TIMM23: variants seen among roughly 807,000 people sequenced by gnomAD.
TIMM23 encodes translocase of inner mitochondrial membrane 23.
In TIMM23, 19 loss-of-function variants were observed where a neutral mutation model predicts 30.7. That is an observed-to-expected ratio of 0.62 (90% CI 0.43 to 0.91). TIMM23 has a LOEUF of 0.91. TIMM23 is among the 40% of genes least tolerant of loss of function. TIMM23 has a pLI of 0.00. For synonymous variants in TIMM23, 78 were observed against 98.5 expected (o/e 0.79, Z 1.23); for missense variants, 202 against 269.2 (o/e 0.75, Z 1.75).
chr10:45,996,752 A>C (rs1168923865), intron 6 of TIMM23, among the ~76,000 whole-genome samples: 2 of 152,050 alleles, frequency 1.3e-5, no homozygotes, highest in East Asian at 1.9e-4. Context: ...TTGGGAAGCC[A>C]ATGTGGGCAG....
Position 45,996,968 on chromosome 10 carries a change from CA to C in TIMM23, c.515-6218del, listed in dbSNP as rs1172844294. ...CGACAGAGTGAGACCCTGTGTCAAA[CA>C]AAAAAAAAAAAAAAAAGATAGATTC... On this transcript the variant is annotated intron_variant, in intron 6 of 6. Transcript: ENST00000580018. 7.6e-3 allele frequency among the ~76,000 whole-genome samples: 852 copies of C among 112,516 alleles called. 8 individuals carry two copies. The highest frequency in any genetic ancestry group is 0.024 in the African/African-American group (697 of 28,752). 73.8% of individuals were successfully genotyped at this position (112,516 alleles called of 152,430 possible). A position where few individuals can be genotyped will look rare whatever the true frequency, so the allele number is the denominator to read the frequency against.
chr10:45,988,108 C>T (rs1240459099), intron 5 of TIMM23, among the ~76,000 whole-genome samples: 54 of 152,054 alleles, frequency 3.6e-4, no homozygotes, highest in African/African-American at 1.3e-3. Context: ...GAAAGTCCTC[C>T]GACCCCATCC....
intron 2 of TIMM23, among the ~76,000 whole-genome samples, chr10:45,977,126 A>G (rs1837696538): frequency 1.3e-5 from 2 of 149,630 alleles, no homozygotes; most frequent in African/African-American, 5.0e-5. Context: ...ACATGCTATG[A>G]TCCTGAAAAT....
rs1383003559 is a variant in TIMM23 at position 45,996,967 on chromosome 10, AC to A, written c.515-6235del. 5.1e-3 allele frequency among the ~76,000 whole-genome samples: 749 copies of A among 148,314 alleles called. 11 individuals carry two copies. Among genetic ancestry groups the A allele is most frequent in the African/African-American group, 0.018 (705 of 40,228 alleles). On this transcript the variant is annotated intron_variant, in intron 6 of 6. Coordinates refer to ENST00000580018, the MANE Select transcript of TIMM23 (RefSeq NM_006327.4). ...ACGACAGAGTGAGACCCTGTGTCAA[AC>A]AAAAAAAAAAAAAAAAAGATAGATT...
intron 5 of TIMM23, 48 bp downstream of exon 5, chr10:45,985,489 C>T (rs1196661091): frequency 6.2e-7 from 1 of 1,600,500 alleles, no homozygotes; most frequent in Non-Finnish European, 8.6e-7. Context: ...AAAGAATGCA[C>T]AAATATCATG....
At chr10:45,984,391 A>T (rs1254176158) in intron 4 of TIMM23, among the ~76,000 whole-genome samples, 2 of 152,228 alleles carry the variant, frequency 1.3e-5, no homozygotes, top group Non-Finnish European at 2.9e-5. Context: ...AGTTATTAAA[A>T]TGCTTGTTAA....
At chr10:45,973,443 G>A (rs1248505963) in intron 1 of TIMM23, among the ~76,000 whole-genome samples, 2 of 152,144 alleles carry the variant, frequency 1.3e-5, no homozygotes, top group Admixed American at 6.5e-5. Flanking sequence ...ATAGGCAGTT[G>A]GTCGTGGATA....
At chr10:45,993,020 C>G (rs1564909451) in intron 6 of TIMM23, among the ~76,000 whole-genome samples, 1 of 152,118 alleles carries the variant, frequency 6.6e-6, no homozygotes, top group African/African-American at 2.4e-5. Context: ...ATACCTACCT[C>G]AAATGCTGCA....
chr10:45,973,604 A>G lies in TIMM23; in HGVS notation c.106+874A>G, dbSNP rs1484402221. 4.6e-5 allele frequency among the ~76,000 whole-genome samples: 7 copies of G among 152,336 alleles called. No individual in the cohort carries two copies. In the East Asian group the frequency reaches 5.8e-4, roughly 13 times the overall value. ...CATTTCCCTGGTGTCACCTTTGTCA[A>G]AAAACTGAATCTACAACACATGGTG... On this transcript the variant is annotated intron_variant, in intron 1 of 6. Transcript: ENST00000580018.
At chr10:45,981,806 C>T (rs1470397657) in intron 2 of TIMM23, among the ~76,000 whole-genome samples, 6 of 152,140 alleles carry the variant, frequency 3.9e-5, no homozygotes, top group African/African-American at 1.4e-4. Context: ...TTTTTTTAAT[C>T]CAACATGGTG....
At chr10:45,997,551 C>A (rs902352073) in intron 6 of TIMM23, among the ~76,000 whole-genome samples, 25 of 152,262 alleles carry the variant, frequency 1.6e-4, no homozygotes, top group African/African-American at 5.3e-4. Context: ...GTGGCTCACG[C>A]CTGTAGTCTC....
At chr10:45,977,043 T>A (rs1837693788) in intron 2 of TIMM23, among the ~76,000 whole-genome samples, 1 of 150,944 alleles carries the variant, frequency 6.6e-6, no homozygotes, top group Non-Finnish European at 1.5e-5. Flanking sequence ...AAGCAAATAC[T>A]TAGAAATAAA....
At chr10:45,991,902 C>T (rs1233034807) in intron 6 of TIMM23, among the ~76,000 whole-genome samples, 1 of 151,924 alleles carries the variant, frequency 6.6e-6, no homozygotes, top group Non-Finnish European at 1.5e-5. Flanking sequence ...TGGGCTCCCT[C>T]ACCACTGCCC....
intron 6 of TIMM23, among the ~76,000 whole-genome samples, chr10:46,000,202 A>G (rs1323919746): frequency 6.6e-6 from 1 of 152,252 alleles, no homozygotes; most frequent in Non-Finnish European, 1.5e-5. Context: ...CGGCATAGGA[A>G]ATCACAAGGG....
At chr10:45,997,958 A>T (rs1167948920) in intron 6 of TIMM23, among the ~76,000 whole-genome samples, 3 of 152,296 alleles carry the variant, frequency 2.0e-5, no homozygotes, top group East Asian at 3.9e-4. Flanking sequence ...AAGTTTTTTT[A>T]AAATTTTAAG....
intron 6 of TIMM23, among the ~76,000 whole-genome samples, chr10:46,001,355 C>T (rs1224552298): frequency 6.6e-6 from 1 of 152,028 alleles, no homozygotes; most frequent in African/African-American, 2.4e-5. Context: ...TTTTGGTCCC[C>T]CTACATGACA....
rs1164085030 is a variant in TIMM23 at position 46,003,410 on chromosome 10, C to T, written c.*92C>T. On this transcript the variant is annotated 3_prime_UTR_variant, in exon 7 of 7. Coordinates refer to ENST00000580018, the MANE Select transcript of TIMM23 (RefSeq NM_006327.4). Reference sequence around the variant, plus strand: ...GGAGTTATTCTCTCTCTTCTACCTACAATTAGTTTGAAAAATTGGAGATTT... The same window carrying T: ...GGAGTTATTCTCTCTCTTCTACCTATAATTAGTTTGAAAAATTGGAGATTT... 4 of 905,294 alleles carry T rather than the reference C, an allele frequency of 4.4e-6. No homozygotes were observed. In the African/African-American group the frequency reaches 5.1e-5, roughly 11 times the overall value. The allele number at this position is 905,294 out of a possible 1,614,324, so 56.1% of individuals were successfully genotyped here.
At position 46,002,085 on chromosome 10, in the gene TIMM23, GTCAC is replaced by G. The variant is rs1207724842; in HGVS notation, c.515-1112_515-1109del. On this transcript the variant is annotated intron_variant, in intron 6 of 6. Transcript: ENST00000580018. ...CTTTTCAACTAGCATGATGCTAGGT[GTCAC>G]TCACTGTTTTTTAATTGTGGGAGAT... 3.9e-5 allele frequency among the ~76,000 whole-genome samples: 6 copies of G among 152,160 alleles called. No homozygotes were observed. In the East Asian group the frequency reaches 9.6e-4, roughly 24 times the overall value.
chr10:45,977,684 G>A (rs1837714623), intron 2 of TIMM23, among the ~76,000 whole-genome samples: 1 of 152,206 alleles, frequency 6.6e-6, no homozygotes, highest in Non-Finnish European at 1.5e-5. Context: ...TAAAAAGAAA[G>A]TTGATAAATT....
Sources: gnomAD v4.1 joint callset for allele counts (sites outside exome capture counted in the v4.1 genomes callset) on GRCh38, gnomAD v4.1.1 for gene constraint, MANE v1.5 for transcripts, NCBI Gene and HGNC (gene_info 2026-07-23, HGNC 2026-07-21) for gene names.